PLXNB2: variants seen among roughly 807,000 people sequenced by gnomAD.
The protein encoded by PLXNB2 is plexin B2.
A neutral mutation model predicts 202.6 loss-of-function variants in PLXNB2; 85 were observed. The ratio of observed to expected loss-of-function variants is 0.42; its 90% CI spans 0.35 to 0.50. The LOEUF (loss-of-function observed/expected upper bound fraction) is 0.50. Ranked by LOEUF, PLXNB2 falls within the 20% of genes least tolerant of loss-of-function variation. The pLI is 0.02. For missense variants in PLXNB2, 2,063 were observed against 2,586.2 expected, an observed-to-expected ratio of 0.80 and a Z score of 4.39; for synonymous variants, 1,239 against 1,137.6, an observed-to-expected ratio of 1.09 and a Z score of -1.79.
At position 50,280,976 on chromosome 22, in the gene PLXNB2, G is replaced by T. The variant is rs766547302; in HGVS notation, c.3764-3C>A. ...GTCCTCCATCTCGATCATCAGGTCT[G>T]GGGGGAGGCTGGCGTGAGACGTCCC... On this transcript the variant is annotated splice_polypyrimidine_tract_variant and splice_region_variant and intron_variant, in intron 23 of 36. Coordinates refer to ENST00000359337, the MANE Select transcript of PLXNB2 (RefSeq NM_012401.4). The T allele has an allele frequency of 5.0e-6, 8 of 1,611,464 alleles. No individual in the cohort carries two copies. The highest frequency in any genetic ancestry group is 2.2e-5 in the South Asian group (2 of 91,038).
chr22:50,275,844 C>A, intron 36 of PLXNB2, 36 bp from the exon 37 acceptor site: 1 of 1,606,770 alleles, frequency 6.2e-7, no homozygotes, highest in South Asian at 1.1e-5. Flanking sequence ...ACCGGGGGAC[C>A]GCCCAGCACC....
chr22:50,295,195 G>C (rs1331927814), intron 1 of PLXNB2, among the ~76,000 whole-genome samples: 1 of 151,484 alleles, frequency 6.6e-6, no homozygotes, highest in African/African-American at 2.4e-5. Flanking sequence ...GTGGCGGGCA[G>C]CTGTAGTCCC....
intron 1 of PLXNB2, among the ~76,000 whole-genome samples, chr22:50,303,066 A>C (rs1601782680): frequency 3.1e-5 from 4 of 128,366 alleles, no homozygotes; most frequent in Non-Finnish European, 6.6e-5. Flanking sequence ...CTCCCATGCC[A>C]CCCTACCACG....
intron 1 of PLXNB2, among the ~76,000 whole-genome samples, chr22:50,296,283 G>GC (rs1242251628): frequency 6.9e-5 from 10 of 144,770 alleles, no homozygotes; most frequent in African/African-American, 2.9e-4. Context: ...GCGTGTGGTG[G>GC]TACAGCCTGA....
Position 50,283,177 on chromosome 22 carries a change from G to C in PLXNB2, c.2689C>G (p.Pro897Ala). Residue 897 changes from proline (P) to alanine (A), a missense_variant, in exon 17 of 37, where the codon CCT becomes GCT. Physicochemically the swap from Pro to Ala is conservative, Grantham distance 27 (BLOSUM62 -1). Transcript: ENST00000359337. ...CCCTGCTGCGGCTCCACACTGAGAG[G>C]CTTGGGCTGCTGAAAGAGCCGCAGG... ...NVQFTFQQPKPLSVEPQQGPQ... is the reference protein window; with the variant it reads ...NVQFTFQQPKALSVEPQQGPQ... 1 of 1,598,988 alleles carries C rather than the reference G, an allele frequency of 6.3e-7. No individual in the cohort carries two copies. The highest frequency in any genetic ancestry group is 8.5e-7 in the Non-Finnish European group (1 of 1,174,328).
chr22:50,306,330 C>T (rs1329264944), intron 1 of PLXNB2, among the ~76,000 whole-genome samples: 1 of 152,180 alleles, frequency 6.6e-6, no homozygotes. Flanking sequence ...CTGGGGATTT[C>T]TATGCAACAT....
chr22:50,290,742 C>T, intron 2 of PLXNB2, 145 bp from the exon 3 acceptor site: 1 of 873,140 alleles, frequency 1.1e-6, no homozygotes, highest in South Asian at 1.8e-5. Context: ...TCCGCCCCTT[C>T]CTGCTTCACA....
chr22:50,283,513 C>T (rs1012740594), intron 15 of PLXNB2, 68 bp from the exon 16 acceptor site: 27 of 1,555,596 alleles, frequency 1.7e-5, no homozygotes, highest in Non-Finnish European at 2.4e-5. Flanking sequence ...ACCCTCACCC[C>T]CTCAGCCTCC....
Position 50,289,970 on chromosome 22 carries a change from G to C in PLXNB2, c.615C>G (p.Thr205=), listed in dbSNP as rs762875522. 3 of 1,613,350 alleles carry C rather than the reference G, an allele frequency of 1.9e-6. No individual in the cohort carries two copies. The highest frequency in any genetic ancestry group is 2.5e-6 in the Non-Finnish European group (3 of 1,180,030). Residue 205 remains threonine, a synonymous_variant, in exon 3 of 37, where the codon ACC becomes ACG. Coordinates refer to ENST00000359337, the MANE Select transcript of PLXNB2 (RefSeq NM_012401.4). The surrounding 1 kb of genome is among the most constrained non-coding windows in gnomAD (Gnocchi z 8.0). ...TGGTGGACAGGTAGCCGGCCTTGTAGGTGGCGTGGTCCGTGTAGGCTTCAA... is the reference window on the plus strand; with the variant it reads ...TGGTGGACAGGTAGCCGGCCTTGTACGTGGCGTGGTCCGTGTAGGCTTCAA... ...EAFEAYTDHA[T]YKAGYLSTNT...
At position 50,297,010 on chromosome 22, in the gene PLXNB2, C is replaced by T. The variant is rs891710248; in HGVS notation, c.-73-2232G>A. 3.3e-5 allele frequency among the ~76,000 whole-genome samples: 5 copies of T among 152,180 alleles called. No homozygotes were observed. The highest frequency in any genetic ancestry group is 1.2e-4 in the African/African-American group (5 of 41,436). ...TTTCGGGGGGCAGAGGGCATCCTTT[C>T]GACCTGAGACTCAACAGCACCTTTG... On this transcript the variant is annotated intron_variant, in intron 1 of 36. Coordinates refer to ENST00000359337, the MANE Select transcript of PLXNB2 (RefSeq NM_012401.4). This position sits in a 1 kb window ranked among gnomAD's most constrained non-coding sequence, Gnocchi z 5.3.
In PLXNB2 at chr22:50,290,349, G is replaced by A. The variant is rs569631269; in HGVS notation, c.236C>T (p.Thr79Met). ...GCACTGGCTGGCCTCGATGGGCGGC[G>A]TGCACTTCTTGTTGTCCAGGGCCGG... is the stretch of plus-strand genomic sequence containing the variant. The part of the protein sequence containing the change: ...TGPALDNKKC[T>M]PPIEASQCHE... Residue 79 changes from threonine to methionine, a missense_variant, in exon 3 of 37, where the codon ACG becomes ATG. Physicochemically the swap from Thr to Met is moderately conservative, Grantham distance 81. Transcript: ENST00000359337. 6.8e-6 allele frequency: 11 copies of A among 1,612,614 alleles called. No homozygotes were observed. Among genetic ancestry groups the A allele is most frequent in the South Asian group, 2.2e-5 (2 of 91,088 alleles).
rs765509654 is a variant in PLXNB2, at chr22:50,280,962, C to T, written c.3775G>A (p.Glu1259Lys). ...ACGTCGTTGGTCTGGTCCTCCATCT[C>T]GATCATCAGGTCTGGGGGGAGGCTG... The part of the protein sequence containing the change: ...CKKEFTDLMI[E>K]MEDQTNDVHE... The change falls in exon 24 of 37, where the codon GAG becomes AAG. Residue 1259 changes from glutamate to lysine, a missense_variant. By Grantham distance (56) the Glu-to-Lys change is moderately conservative. Around this residue, in one of 2 missense-constraint regions of PLXNB2, gnomAD observed 760 missense variants for 1,109.4 expected, o/e 0.69. Transcript: ENST00000359337. 9.9e-6 allele frequency: 16 copies of T among 1,613,032 alleles called. No homozygotes were observed. The highest frequency in any genetic ancestry group is 1.7e-5 in the Admixed American group (1 of 59,976).
Position 50,296,153 on chromosome 22 carries a change from G to A in PLXNB2, c.-73-1375C>T, listed in dbSNP as rs150110490. ...ACTTTGGGAGCAAGGAGGAGGCCAC[G>A]GCAGTCCAGCCCAGGCCAGAGTGAG... is the stretch of plus-strand genomic sequence containing the variant. On this transcript the variant is annotated intron_variant, in intron 1 of 36. Transcript: ENST00000359337. Among the ~76,000 whole-genome samples, 19 of 150,600 alleles carry A rather than the reference G, an allele frequency of 1.3e-4. No homozygotes were observed. The East Asian group carries it at 1.4e-3, about 11-fold the overall frequency.
intron 1 of PLXNB2, among the ~76,000 whole-genome samples, chr22:50,306,184 C>T (rs1355104013): frequency 1.3e-5 from 2 of 152,192 alleles, no homozygotes; most frequent in African/African-American, 4.8e-5. Flanking sequence ...TCAGTAACTT[C>T]CCTCCTCTAC....
In PLXNB2 at chr22:50,286,005, G is replaced by A. The variant is rs372329649; in HGVS notation, c.1971C>T (p.Ile657=). The part of the protein sequence containing the change: ...REASPNPEDG[I]VRAHMEDSCP... ...GGCCCCTCACCATGTGGGCACGGAC[G>A]ATGCCGTCCTCAGGGTTGGGCGAAG... The change falls in exon 10 of 37, where the codon ATC becomes ATT. Residue 657 remains isoleucine (I), a synonymous_variant. Coordinates refer to ENST00000359337, the MANE Select transcript of PLXNB2 (RefSeq NM_012401.4). 52 of 1,612,264 alleles carry A rather than the reference G, an allele frequency of 3.2e-5. No individual in the cohort carries two copies. In the South Asian group the frequency reaches 4.1e-4, roughly 13 times the overall value.
rs1056972715 is a variant in PLXNB2 at position 50,280,645 on chromosome 22, C to T, written c.4019G>A (p.Arg1340Gln). The T allele has an allele frequency of 8.1e-6, 13 of 1,612,374 alleles. No homozygotes were observed. Among genetic ancestry groups the T allele is most frequent in the East Asian group, 4.5e-5 (2 of 44,894 alleles). Residue 1340 changes from arginine (R) to glutamine (Q), a missense_variant, in exon 25 of 37, where the codon CGG becomes CAG. Arg to Gln is a conservative substitution (Grantham distance 43). This residue lies in a region of PLXNB2 where 760 missense variants were observed against 1,109.4 expected (regional missense o/e 0.69). Transcript: ENST00000359337. Reference protein sequence around the residue: ...INFIHTLENQREFSARAKVYF... With the variant: ...INFIHTLENQQEFSARAKVYF... ...GACCTTGGCGCGGGCCGAGAACTCC[C>T]GCTGGTTCTCCAGGGTGTGGATGAA...
In PLXNB2 at chr22:50,289,599, G is replaced by A; in HGVS notation, c.986C>T (p.Ala329Val). Reference sequence around the variant, plus strand: ...GGCCTCCCGGGTGCCTGTGTAACAGGCGTTGCGGTTGGCCTCCATCTTGGC... The same window carrying A: ...GGCCTCCCGGGTGCCTGTGTAACAGACGTTGCGGTTGGCCTCCATCTTGGC... ...VHAKMEANRN[A>V]CYTGTREARD... Residue 329 changes from alanine to valine, a missense_variant, in exon 3 of 37, where the codon GCC becomes GTC. By Grantham distance (64) the Ala-to-Val change is moderately conservative. Around this residue, in one of 2 missense-constraint regions of PLXNB2, gnomAD observed 1,303 missense variants for 1,476.8 expected, o/e 0.88. Transcript: ENST00000359337. This position sits in a 1 kb window ranked among gnomAD's most constrained non-coding sequence, Gnocchi z 8.0. 6.2e-7 allele frequency: 1 copy of A among 1,610,790 alleles called. No homozygotes were observed. The highest frequency in any genetic ancestry group is 8.5e-7 in the Non-Finnish European group (1 of 1,179,848).
Position 50,284,596 on chromosome 22 carries a change from T to C in PLXNB2, c.2158A>G (p.Thr720Ala), listed in dbSNP as rs1476609267. 2.5e-6 allele frequency: 4 copies of C among 1,606,596 alleles called. No homozygotes were observed. Among genetic ancestry groups the C allele is most frequent in the Non-Finnish European group, 8.5e-7 (1 of 1,178,100 alleles). The change falls in exon 12 of 37, where the codon ACC becomes GCC. Residue 720 changes from threonine (T) to alanine (A), a missense_variant. By Grantham distance (58) the Thr-to-Ala change is moderately conservative (BLOSUM62 0). Coordinates refer to ENST00000359337, the MANE Select transcript of PLXNB2 (RefSeq NM_012401.4). The surrounding 1 kb of genome is among the most constrained non-coding windows in gnomAD (Gnocchi z 8.0). The stretch of plus-strand genomic sequence containing the variant: ...ACCTTTGGGGTCCGAAAGGCGAAGG[T>C]CCCAGATTCCTGCATGGTCACCGGC... The part of the protein sequence containing the change: ...MEPVTMQESG[T>A]FAFRTPKLSH...
At chr22:50,298,314 C>A (rs560450575) in intron 1 of PLXNB2, among the ~76,000 whole-genome samples, 3 of 152,356 alleles carry the variant, frequency 2.0e-5, no homozygotes, top group African/African-American at 4.8e-5. Flanking sequence ...GCCTGGGAGG[C>A]AGCAGGAGCT....
Sources: gnomAD v4.1 joint callset for allele counts (sites outside exome capture counted in the v4.1 genomes callset) on GRCh38, gnomAD v4.1.1 for gene constraint, gnomAD v4.1.1 regional missense constraint, Gnocchi (gnomAD v3.1) non-coding constraint, MANE v1.5 for transcripts, NCBI Gene and HGNC (gene_info 2026-07-23, HGNC 2026-07-21) for gene names.